SRP68: variants seen among roughly 807,000 people sequenced by gnomAD.
The protein encoded by SRP68 is signal recognition particle 68.
Under a neutral mutation model 82.2 loss-of-function variants are expected in SRP68, and 15 were observed. The ratio of observed to expected loss-of-function variants is 0.18; its 90% CI spans 0.12 to 0.28. The LOEUF (loss-of-function observed/expected upper bound fraction) is 0.28. Among genes scored for constraint, SRP68 ranks in the 10% least tolerant of loss-of-function variants. The pLI, the probability that SRP68 is intolerant of heterozygous loss-of-function variation, is 1.00. For synonymous variants in SRP68, 261 were observed against 292.6 expected, an observed-to-expected ratio of 0.89 and a Z score of 1.10; for missense variants, 595 against 780.5, an observed-to-expected ratio of 0.76 and a Z score of 2.83.
In SRP68 at chr17:76,057,449, C is replaced by T. The variant is rs753777388; in HGVS notation, c.932G>A (p.Arg311His). Residue 311 changes from arginine to histidine, a missense_variant, in exon 8 of 16, where the codon CGC becomes CAC. Around this residue, in one of 2 missense-constraint regions of SRP68, gnomAD observed 495 missense variants for 688.6 expected, o/e 0.72. Transcript: ENST00000307877. ...RTVPVKIDKV[R>H]IFLLGLADNE... ...ATCAGCCAGTCCTAATAAGAAAATG[C>T]GCACTTTGTCAATCTTCACTGGAAC... is the stretch of plus-strand genomic sequence containing the variant. 7 of 1,614,050 alleles carry T rather than the reference C, an allele frequency of 4.3e-6. No homozygotes were observed. The Admixed American group carries it at 5.0e-5, about 12-fold the overall frequency.
At position 76,046,163 on chromosome 17, in the gene SRP68, T is replaced by A. The variant is rs1484205299; in HGVS notation, c.1174A>T (p.Ile392Phe). 6 of 1,613,772 alleles carry A rather than the reference T, an allele frequency of 3.7e-6. No homozygotes were observed. In the African/African-American group the frequency reaches 4.0e-5, roughly 11 times the overall value. Residue 392 changes from isoleucine (I) to phenylalanine (F), a missense_variant, in exon 11 of 16, where the codon ATC becomes TTC. Physicochemically the swap from Ile to Phe is conservative, Grantham distance 21. Transcript: ENST00000307877. ...TTGGCCATGTTCTCATTACGCTTGA[T>A]TGCCGTTGATAGCTTGATGTAAGTC... ...YLTYIKLSTAIKRNENMAKGL... is the reference protein window; with the variant it reads ...YLTYIKLSTAFKRNENMAKGL...
chr17:76,072,053 C>T lies in SRP68; in HGVS notation c.184+255G>A, dbSNP rs2066856914. 1 of 634,474 alleles carries T rather than the reference C, an allele frequency of 1.6e-6. No individual in the cohort carries two copies. Among genetic ancestry groups the T allele is most frequent in the South Asian group, 2.0e-5 (1 of 48,986 alleles). The allele number at this position is 634,474 out of a possible 1,614,324, so 39.3% of individuals were successfully genotyped here. A position where few individuals can be genotyped will look rare whatever the true frequency, so the allele number is the denominator to read the frequency against. ...CTCCAACTGGACAACTGCGGGGCAC[C>T]AGGGGAAACCTGCCTGATATCCCAG... On this transcript the variant is annotated intron_variant, in intron 1 of 15. Transcript: ENST00000307877. This position sits in a 1 kb window ranked among gnomAD's most constrained non-coding sequence, Gnocchi z 4.5.
At position 76,064,079 on chromosome 17, in the gene SRP68, A is replaced by G; in HGVS notation, c.458T>C (p.Phe153Ser). 6.2e-7 allele frequency: 1 copy of G among 1,614,006 alleles called. No individual in the cohort carries two copies. The highest frequency in any genetic ancestry group is 1.6e-4 in the Middle Eastern group (1 of 6,062). Residue 153 changes from phenylalanine to serine, a missense_variant, in exon 4 of 16, where the codon TTT becomes TCT. This residue lies in a region of SRP68 where 495 missense variants were observed against 688.6 expected (regional missense o/e 0.72). Transcript: ENST00000307877. ...QEANTEPRKRFHLLSRLRKAV... is the reference protein window; with the variant it reads ...QEANTEPRKRSHLLSRLRKAV... ...TTTGCGTAGGCGAGATAACAAGTGA[A>G]ACCGTTTTCGGGGTTCAGTGTTGGC...
intron 3 of SRP68, among the ~76,000 whole-genome samples, chr17:76,066,287 A>G (rs2066805562): frequency 1.3e-5 from 2 of 152,002 alleles, no homozygotes; most frequent in South Asian, 4.1e-4. Context: ...CCCTGTCTCT[A>G]CTAAAAATAC....
At position 76,071,502 on chromosome 17, in the gene SRP68, G is replaced by C. The variant is rs187597117; in HGVS notation, c.184+806C>G. The stretch of plus-strand genomic sequence containing the variant: ...TAAAACGGGACAAAGAGATATAAAG[G>C]TCTCAGTAAAATCAGGGCTCGCTAG... On this transcript the variant is annotated intron_variant, in intron 1 of 15. Transcript: ENST00000307877. This position sits in a 1 kb window ranked among gnomAD's most constrained non-coding sequence, Gnocchi z 4.7. Among the ~76,000 whole-genome samples the C allele has an allele frequency of 4.5e-3, 678 of 152,252 alleles. 3 individuals are homozygous for C. Among genetic ancestry groups the C allele is most frequent in the Admixed American group, 6.5e-3 (100 of 15,282 alleles).
At chr17:76,070,881 A>ACACACACACAC (rs1555630333) in intron 1 of SRP68, among the ~76,000 whole-genome samples, 1 of 88,742 alleles carries the variant, frequency 1.1e-5, no homozygotes, top group Non-Finnish European at 2.3e-5. Flanking sequence ...CACACACACA[A>ACACACACACAC]ATTTGTGAAA....
chr17:76,072,326 C>G lies in SRP68; in HGVS notation c.166G>C (p.Asp56His). Residue 56 changes from aspartate to histidine, a missense_variant, in exon 1 of 16, where the codon GAT becomes CAT. This residue lies in a region of SRP68 where 100 missense variants were observed against 91.9 expected (regional missense o/e 1.09). Transcript: ENST00000307877. The surrounding 1 kb of genome is among the most constrained non-coding windows in gnomAD (Gnocchi z 4.5). Reference sequence around the variant, plus strand: ...AGGATACTCTCCAAACTCAGGCTATCCCCAAATTCTTTGTTTGCCTTCGAT... The same window carrying G: ...AGGATACTCTCCAAACTCAGGCTATGCCCAAATTCTTTGTTTGCCTTCGAT... ...AGSKANKEFG[D>H]SLSLEILQII... The G allele has an allele frequency of 1.2e-6, 2 of 1,612,406 alleles. No individual in the cohort carries two copies.
intron 8 of SRP68, among the ~76,000 whole-genome samples, chr17:76,056,113 T>C (rs1428671049): frequency 6.6e-6 from 1 of 152,072 alleles, no homozygotes; most frequent in Non-Finnish European, 1.5e-5. Context: ...GTGCCAGCAG[T>C]AACTTTTCAA....
chr17:76,054,032 G>C (rs2066694939), intron 8 of SRP68, among the ~76,000 whole-genome samples: 1 of 152,180 alleles, frequency 6.6e-6, no homozygotes, highest in South Asian at 2.1e-4. Flanking sequence ...TCCCAGGTGT[G>C]CCTATGACAG....
In SRP68 at chr17:76,046,245, C is replaced by G. The variant is rs374503292; in HGVS notation, c.1143-51G>C. 157 of 1,583,646 alleles carry G rather than the reference C, an allele frequency of 9.9e-5. No homozygotes were observed. The African/African-American group carries it at 2.0e-3, about 20-fold the overall frequency. ...AGTTATACTCAGAGAAGCGGAGGAACTGGGAGGACTGGACTACAAGTTGGG... is the reference window on the plus strand; with the variant it reads ...AGTTATACTCAGAGAAGCGGAGGAAGTGGGAGGACTGGACTACAAGTTGGG... On this transcript the variant is annotated intron_variant, in intron 10 of 15. Coordinates refer to ENST00000307877, the MANE Select transcript of SRP68 (RefSeq NM_014230.4).
At chr17:76,047,778 G>C (rs2066642063) in intron 10 of SRP68, 128 bp downstream of exon 10, 2 of 338,492 alleles carry the variant, frequency 5.9e-6, no homozygotes, top group Non-Finnish European at 9.3e-6. Context: ...GACAGAGCTA[G>C]ATCCTGTCTC....
In SRP68 at chr17:76,061,547, G is replaced by A; in HGVS notation, c.589C>T (p.Leu197=). 6.2e-7 allele frequency: 1 copy of A among 1,614,050 alleles called. No homozygotes were observed. Among genetic ancestry groups the A allele is most frequent in the Non-Finnish European group, 8.5e-7 (1 of 1,179,956 alleles). The change falls in exon 5 of 16, where the codon CTA becomes TTA. Residue 197 remains leucine, a synonymous_variant. Coordinates refer to ENST00000307877, the MANE Select transcript of SRP68 (RefSeq NM_014230.4). ...QAYTAYLSGM[L]RFEHQEWKAA... is the part of the protein sequence containing the mutation. ...TTCCATTCTTGATGTTCAAAACGTA[G>A]CATTCCTGAGAGGTAAGCTGTGTAA... is the stretch of plus-strand genomic sequence containing the variant.
At position 76,051,201 on chromosome 17, in the gene SRP68, C is replaced by T. The variant is rs144808184; in HGVS notation, c.979-675G>A. 2.2e-3 allele frequency among the ~76,000 whole-genome samples: 329 copies of T among 152,286 alleles called. 2 individuals are homozygous for T. Among genetic ancestry groups the T allele is most frequent in the African/African-American group, 7.5e-3 (310 of 41,558 alleles). On this transcript the variant is annotated intron_variant, in intron 8 of 15. Coordinates refer to ENST00000307877, the MANE Select transcript of SRP68 (RefSeq NM_014230.4). The stretch of plus-strand genomic sequence containing the variant: ...ACATACAAGGTTGACACGCATGAGA[C>T]GACAGTCTTTGCACAAGTACTGGGT...
intron 11 of SRP68, 27 bp downstream of exon 11, chr17:76,046,011 C>T: frequency 1.2e-6 from 2 of 1,613,022 alleles, no homozygotes; most frequent in Non-Finnish European, 1.7e-6. Context: ...ACCACAGGCC[C>T]TTGCCTTCCC....
At chr17:76,068,455 G>GGAA (rs1315521372) in intron 2 of SRP68, among the ~76,000 whole-genome samples, 1 of 115,868 alleles carries the variant, frequency 8.6e-6, no homozygotes, top group Admixed American at 8.8e-5. Flanking sequence ...GACTGTGTCT[G>GGAA]AAAAAAAAAA....
rs2598414 is a variant in SRP68 at position 76,071,018 on chromosome 17, C to T, written c.185-574G>A. ...ACTTGCAAACTGAAAAAGGAGGGCACTACTGGCCACTGGAAACTGCCAAAA... is the reference window on the plus strand; with the variant it reads ...ACTTGCAAACTGAAAAAGGAGGGCATTACTGGCCACTGGAAACTGCCAAAA... On this transcript the variant is annotated intron_variant, in intron 1 of 15. Transcript: ENST00000307877. The surrounding 1 kb of genome is among the most constrained non-coding windows in gnomAD (Gnocchi z 4.7). Among the ~76,000 whole-genome samples the T allele has an allele frequency of 0.39, 59,945 of 152,046 alleles. 12,046 individuals are homozygous for T. Among genetic ancestry groups the T allele is most frequent in the Admixed American group, 0.53 (8,024 of 15,272 alleles).
intron 13 of SRP68, chr17:76,043,548 A>G (rs978144291): frequency 4.6e-6 from 1 of 217,140 alleles, no homozygotes; most frequent in Non-Finnish European, 9.0e-6. Context: ...CGTGCAGTCA[A>G]GTCTGAGAGC....
intron 8 of SRP68, chr17:76,053,601 C>G: frequency 1.0e-6 from 1 of 985,374 alleles, no homozygotes; most frequent in Non-Finnish European, 1.2e-6. Flanking sequence ...CCACAAAGCT[C>G]TAAGTTCCCA....
intron 7 of SRP68, 120 bp from the exon 8 acceptor site, chr17:76,057,663 T>A: frequency 9.0e-7 from 1 of 1,109,566 alleles, no homozygotes; most frequent in Non-Finnish European, 1.3e-6. Flanking sequence ...CCATAGAAAG[T>A]AGAGTATACA....
Sources: allele counts gnomAD v4.1 joint callset (sites outside exome capture counted in the v4.1 genomes callset), GRCh38; gene constraint gnomAD v4.1.1; regional missense constraint gnomAD v4.1.1; non-coding constraint Gnocchi (gnomAD v3.1); transcripts MANE v1.5; gene names NCBI Gene and HGNC (gene_info 2026-07-23, HGNC 2026-07-21).